The following UTRN variants were observed in gnomAD, a reference collection of about 807,000 sequenced individuals.
UTRN encodes the protein dystrophin-related protein 1.
In UTRN, 283 loss-of-function variants were observed where a neutral mutation model predicts 463.9. The observed-to-expected ratio is 0.61, with a 90% CI of 0.55 to 0.67. The LOEUF is 0.67. Ranked by LOEUF, UTRN falls within the 30% of genes least tolerant of loss-of-function variation. The probability of loss-of-function intolerance (pLI) is 0.00; values close to 1 mark genes in which losing one functional copy is unlikely to be tolerated. For missense variants in UTRN, 3,922 were observed against 4,084.3 expected (o/e 0.96, Z 1.08); for synonymous variants, 1,442 against 1,431.5 (o/e 1.01, Z -0.17).
At chr6:144,450,308 A>G (rs1188991717) in intron 17 of UTRN, among the ~76,000 whole-genome samples, 1 of 152,156 alleles carries the variant, frequency 6.6e-6, no homozygotes, top group African/African-American at 2.4e-5. Flanking sequence ...TAGCTGGTCC[A>G]TGTGATTCTT....
intron 66 of UTRN, 84 bp downstream of exon 66, chr6:144,821,102 G>A (rs778381033): frequency 1.4e-6 from 2 of 1,462,530 alleles, no homozygotes; most frequent in South Asian, 2.9e-5. Context: ...AAGAGAAATT[G>A]TTTAATACCA....
At chr6:144,562,999 CTT>C (rs1800073278) in intron 50 of UTRN, among the ~76,000 whole-genome samples, 1 of 152,234 alleles carries the variant, frequency 6.6e-6, no homozygotes, top group South Asian at 2.1e-4. Flanking sequence ...TAAATGTCCT[CTT>C]TTGAGAAGTG....
At chr6:144,803,217 A>G (rs953608204) in intron 65 of UTRN, 70 bp downstream of exon 65, 2 of 943,334 alleles carry the variant, frequency 2.1e-6, no homozygotes, top group Non-Finnish European at 1.4e-6. Context: ...AAATTTTATT[A>G]TTTATTTAGA....
chr6:144,820,925 A>T lies in UTRN; in HGVS notation c.9401A>T (p.Lys3134Met), dbSNP rs765364929. 1.9e-6 allele frequency: 3 copies of T among 1,613,952 alleles called. No individual in the cohort carries two copies. The highest frequency in any genetic ancestry group is 2.5e-6 in the Non-Finnish European group (3 of 1,179,866). The change falls in exon 66 of 75, where the codon AAG (lysine) becomes ATG (methionine). Residue 3134 changes from lysine to methionine, a missense_variant. Physicochemically the swap from Lys to Met is moderately conservative, Grantham distance 95 (BLOSUM62 -1). This residue lies in a region of UTRN where 1,309 missense variants were observed against 1,452.6 expected (regional missense o/e 0.90). Coordinates refer to ENST00000367545, the MANE Select transcript of UTRN (RefSeq NM_007124.3). ...EDVRDFTKVL[K>M]NKFRSKKYFA... is the part of the protein sequence containing the mutation. ...GTACGAGACTTCACAAAGGTACTTAAGAACAAGTTCAGGTCGAAGAAGTAC... is the reference window on the plus strand; with the variant it reads ...GTACGAGACTTCACAAAGGTACTTATGAACAAGTTCAGGTCGAAGAAGTAC...
chr6:144,707,243 AT>A (rs1450221082), intron 53 of UTRN, among the ~76,000 whole-genome samples: 2 of 152,108 alleles, frequency 1.3e-5, no homozygotes, highest in Non-Finnish European at 1.5e-5. Flanking sequence ...CCAAGAACCA[AT>A]TTTTGTTCCC....
At chr6:144,426,504 C>G (rs1323500537) in intron 7 of UTRN, 45 bp downstream of exon 7, 3 of 1,557,668 alleles carry the variant, frequency 1.9e-6, no homozygotes, top group Non-Finnish European at 8.7e-7. Context: ...AAATTCATGT[C>G]TCCTCTCTGT....
chr6:144,321,876 G>GT (rs1408369421), intron 2 of UTRN, among the ~76,000 whole-genome samples: 3 of 151,478 alleles, frequency 2.0e-5, no homozygotes, highest in African/African-American at 2.4e-5. Flanking sequence ...CGAGTCTCCT[G>GT]CCTCGGCCTC....
At chr6:144,504,690 G>A (rs1446728657) in intron 34 of UTRN, among the ~76,000 whole-genome samples, 3 of 152,182 alleles carry the variant, frequency 2.0e-5, no homozygotes, top group African/African-American at 4.8e-5. Flanking sequence ...TCACATTGAT[G>A]TTCATCAGGG....
intron 53 of UTRN, among the ~76,000 whole-genome samples, chr6:144,714,530 G>T (rs1337308930): frequency 6.6e-6 from 1 of 152,168 alleles, no homozygotes; most frequent in African/African-American, 2.4e-5. Context: ...CAAGGTTTCT[G>T]CACTTGGCTT....
At chr6:144,788,202 A>C (rs1435040992) in intron 61 of UTRN, among the ~76,000 whole-genome samples, 2 of 152,182 alleles carry the variant, frequency 1.3e-5, no homozygotes, top group Non-Finnish European at 2.9e-5. Context: ...TCTGGTTTTA[A>C]TTATAATTTG....
chr6:144,605,770 T>C (rs907065810), intron 51 of UTRN, among the ~76,000 whole-genome samples: 1 of 151,874 alleles, frequency 6.6e-6, no homozygotes, highest in Non-Finnish European at 1.5e-5. Context: ...CAGATTTTCA[T>C]AGTATAAATG....
chr6:144,490,260 G>A (rs1792928706), intron 31 of UTRN, 61 bp downstream of exon 31: 1 of 1,560,594 alleles, frequency 6.4e-7, no homozygotes, highest in African/African-American at 1.4e-5. Flanking sequence ...CTTCAAAAAA[G>A]AGAAAGAATT....
intron 54 of UTRN, among the ~76,000 whole-genome samples, chr6:144,740,079 C>T (rs1789883483): frequency 6.6e-6 from 1 of 152,128 alleles, no homozygotes; most frequent in South Asian, 2.1e-4. Flanking sequence ...ACCACCCATT[C>T]TACAGATGAG....
chr6:144,333,879 T>G (rs1241961841), intron 2 of UTRN, among the ~76,000 whole-genome samples: 1 of 152,226 alleles, frequency 6.6e-6, no homozygotes, highest in Admixed American at 6.5e-5. Context: ...ATTCATTCGT[T>G]CAGTAAATAT....
At chr6:144,424,230 G>T in intron 6 of UTRN, 152 bp downstream of exon 6, 1 of 794,246 alleles carries the variant, frequency 1.3e-6, no homozygotes, top group Non-Finnish European at 2.0e-6. Context: ...AGAAGTCCAA[G>T]ATCAAGGCAT....
intron 3 of UTRN, among the ~76,000 whole-genome samples, chr6:144,406,312 C>T (rs949757343): frequency 2.3e-4 from 35 of 151,780 alleles, no homozygotes; most frequent in Non-Finnish European, 5.0e-4. Context: ...TTCTTCCATT[C>T]CATGCTCCAC....
At chr6:144,702,720 C>T (rs1485305385) in intron 53 of UTRN, among the ~76,000 whole-genome samples, 1 of 152,024 alleles carries the variant, frequency 6.6e-6, no homozygotes, top group Non-Finnish European at 1.5e-5. Context: ...GAAAGTAGAA[C>T]ATTTAGGGAA....
Position 144,717,819 on chromosome 6 carries a change from A to G in UTRN, c.7810-12538A>G, listed in dbSNP as rs866483918. ...CCCAGCTAATTTTTGTATTTTTAGT[A>G]GAGACGGGGATTTCACCATGTTGAT... On this transcript the variant is annotated intron_variant, in intron 53 of 74. Coordinates refer to ENST00000367545, the MANE Select transcript of UTRN (RefSeq NM_007124.3). 5.3e-4 allele frequency among the ~76,000 whole-genome samples: 80 copies of G among 151,178 alleles called. 1 individual carries two copies. The highest frequency in any genetic ancestry group is 1.3e-3 in the Admixed American group (19 of 15,190).
In UTRN at chr6:144,539,326, A is replaced by G; in HGVS notation, c.6402A>G (p.Glu2134=). ...CTCAAGAAATGGAAGTACATGCTGAAAAACTCAAATGGCTGAATAGAACTG... is the reference window on the plus strand; with the variant it reads ...CTCAAGAAATGGAAGTACATGCTGAGAAACTCAAATGGCTGAATAGAACTG... ...DLTQEMEVHA[E]KLKWLNRTEL... is the part of the protein sequence containing the mutation. Residue 2134 remains glutamate (E), a synonymous_variant, in exon 45 of 75, where the codon GAA becomes GAG. Transcript: ENST00000367545. The G allele has an allele frequency of 6.2e-7, 1 of 1,612,900 alleles. No homozygotes were observed. Among genetic ancestry groups the G allele is most frequent in the Non-Finnish European group, 8.5e-7 (1 of 1,179,546 alleles).
Sources: gnomAD v4.1 joint callset for allele counts (sites outside exome capture counted in the v4.1 genomes callset) on GRCh38, gnomAD v4.1.1 for gene constraint, gnomAD v4.1.1 regional missense constraint, MANE v1.5 for transcripts, NCBI Gene and HGNC (gene_info 2026-07-23, HGNC 2026-07-21) for gene names.